The following CELF2 variants were observed in gnomAD, a reference collection of about 807,000 sequenced individuals.
The protein encoded by CELF2 is CUG triplet repeat RNA-binding protein 2.
CELF2 carries 8 observed loss-of-function variants against 62.6 expected under a neutral mutation model. The observed-to-expected ratio is 0.13, with a 90% CI of 0.07 to 0.23. The LOEUF is 0.23. CELF2 is among the 10% of genes least tolerant of loss of function. The pLI, the probability that CELF2 is intolerant of heterozygous loss-of-function variation, is 1.00. For missense variants in CELF2, 333 were observed against 671.0 expected, an observed-to-expected ratio of 0.50 and a Z score of 5.56; for synonymous variants, 258 against 250.0, an observed-to-expected ratio of 1.03 and a Z score of -0.30.
the CELF2 span, among the ~76,000 whole-genome samples, chr10:10,516,030 T>C: frequency 1.3e-5 from 2 of 152,072 alleles, no homozygotes; most frequent in Admixed American, 6.5e-5. Flanking sequence ...ACTACAACCA[T>C]GGAAAGCAGA....
chr10:10,715,029 A>G, the CELF2 span, among the ~76,000 whole-genome samples: 1 of 152,186 alleles, frequency 6.6e-6, no homozygotes, highest in African/African-American at 2.4e-5. Context: ...GACCTAGGTG[A>G]CAGAAAGAAG....
chr10:11,263,821 T>TA (rs2081407238), intron 5 of CELF2, among the ~76,000 whole-genome samples: 1 of 152,246 alleles, frequency 6.6e-6, no homozygotes, highest in African/African-American at 2.4e-5. Flanking sequence ...CCATAGGACT[T>TA]ACCGTGACCT....
chr10:11,197,028 A>AGGAAGGAAGGAAGGAAGGAAGGAAGGAAG (rs2057913830), intron 2 of CELF2, among the ~76,000 whole-genome samples: 2 of 20,980 alleles, frequency 9.5e-5, no homozygotes, highest in African/African-American at 3.8e-4. Context: ...AAGAAAGAAA[A>AGGAAGGAAGGAAGGAAGGAAGGAAGGAAG]GAAAGAAAGA....
At chr10:10,605,792 A>G in the CELF2 span, among the ~76,000 whole-genome samples, 1 of 152,252 alleles carries the variant, frequency 6.6e-6, no homozygotes, top group African/African-American at 2.4e-5. Flanking sequence ...ATATATGCCC[A>G]GTGCCAGGCA....
At chr10:10,704,952 G>C in the CELF2 span, among the ~76,000 whole-genome samples, 1 of 150,542 alleles carries the variant, frequency 6.6e-6, no homozygotes, top group East Asian at 2.0e-4. Flanking sequence ...AAGTTGAAAA[G>C]CCAAGGTGGA....
the CELF2 span, among the ~76,000 whole-genome samples, chr10:10,477,557 C>T: frequency 3.9e-5 from 6 of 152,154 alleles, no homozygotes; most frequent in East Asian, 1.2e-3. Context: ...TTTGCATCCT[C>T]ACCCTGTCTT....
chr10:10,529,852 T>C, the CELF2 span, among the ~76,000 whole-genome samples: 146,541 of 152,278 alleles, frequency 0.96, 70,546 homozygotes, highest in Middle Eastern at 0.98. Flanking sequence ...TCCACATCAG[T>C]GGCTATGAAC....
At chr10:10,963,740 TG>T (rs2049812905) in intron 2 of CELF2, among the ~76,000 whole-genome samples, 1 of 152,222 alleles carries the variant, frequency 6.6e-6, no homozygotes, top group Non-Finnish European at 1.5e-5. Flanking sequence ...AAGTCAGAGT[TG>T]GGTCCTTCAT....
chr10:10,492,005 G>C, the CELF2 span, among the ~76,000 whole-genome samples: 1 of 151,082 alleles, frequency 6.6e-6, no homozygotes, highest in South Asian at 2.1e-4. Context: ...TCTTCCTCCC[G>C]TCCTCTCACT....
intron 2 of CELF2, among the ~76,000 whole-genome samples, chr10:10,959,208 G>A (rs919280691): frequency 2.6e-5 from 4 of 152,206 alleles, no homozygotes; most frequent in African/African-American, 9.6e-5. Flanking sequence ...TTGAACCTGG[G>A]AGGCAGAGGT....
chr10:11,303,581 G>A (rs548119806), intron 9 of CELF2, among the ~76,000 whole-genome samples: 1 of 152,208 alleles, frequency 6.6e-6, no homozygotes, highest in South Asian at 2.1e-4. Flanking sequence ...GGATTGCCAC[G>A]CCCATCCGCA....
chr10:10,730,892 T>A, the CELF2 span, among the ~76,000 whole-genome samples: 44 of 152,306 alleles, frequency 2.9e-4, no homozygotes, highest in African/African-American at 9.9e-4. Flanking sequence ...AGGCTGATCA[T>A]AATGAGCAGA....
chr10:10,569,700 T>C, the CELF2 span, among the ~76,000 whole-genome samples: 1 of 152,232 alleles, frequency 6.6e-6, no homozygotes, highest in South Asian at 2.1e-4. Flanking sequence ...ATTGGGAGGA[T>C]TGAAGAAGCA....
At chr10:10,775,626 ATAT>A in the CELF2 span, among the ~76,000 whole-genome samples, 51 of 135,578 alleles carry the variant, frequency 3.8e-4, no homozygotes, top group Middle Eastern at 3.6e-3. Context: ...AAAAAAAAAA[ATAT>A]ATATATAGGG....
the CELF2 span, among the ~76,000 whole-genome samples, chr10:10,592,267 T>G: frequency 6.6e-6 from 1 of 152,194 alleles, no homozygotes; most frequent in Non-Finnish European, 1.5e-5. Context: ...TGTCAGTTTA[T>G]CAACTCTGTC....
At chr10:10,703,061 T>G in the CELF2 span, among the ~76,000 whole-genome samples, 1 of 152,224 alleles carries the variant, frequency 6.6e-6, no homozygotes, top group East Asian at 1.9e-4. Context: ...CGCTACCTCC[T>G]CCAGAACCAA....
At chr10:10,628,380 G>A in the CELF2 span, among the ~76,000 whole-genome samples, 2 of 152,046 alleles carry the variant, frequency 1.3e-5, no homozygotes, top group Non-Finnish European at 2.9e-5. Flanking sequence ...CTCATTTATG[G>A]AACACCTACC....
Position 11,190,775 on chromosome 10 carries a change from TAAAAAAAAAAA to T in CELF2, c.271+25111_271+25121del, listed in dbSNP as rs11301213. Among the ~76,000 whole-genome samples the T allele has an allele frequency of 7.5e-3, 404 of 54,018 alleles. 13 individuals are homozygous for T. Among genetic ancestry groups the T allele is most frequent in the Middle Eastern group, 0.032 (2 of 62 alleles). 35.4% of individuals were successfully genotyped at this position (54,018 alleles called of 152,430 possible). A position where few individuals can be genotyped will look rare whatever the true frequency, so the allele number is the denominator to read the frequency against. Reference sequence around the variant, plus strand: ...GGCTGGGTTTTGTATCTCTTTTCTTTAAAAAAAAAAAAAAAAAAAAAAAAAAAAGCCATTGA... The same window carrying T: ...GGCTGGGTTTTGTATCTCTTTTCTTTAAAAAAAAAAAAAAAAAGCCATTGA... On this transcript the variant is annotated intron_variant, in intron 2 of 12. Coordinates refer to ENST00000633077, the MANE Select transcript of CELF2 (RefSeq NM_001326342.2).
At chr10:10,651,419 G>A in the CELF2 span, among the ~76,000 whole-genome samples, 3 of 142,960 alleles carry the variant, frequency 2.1e-5, no homozygotes, top group Non-Finnish European at 1.6e-5. Flanking sequence ...CTGGGGGCAG[G>A]GCACAGACAA....
Sources: allele counts gnomAD v4.1 joint callset (sites outside exome capture counted in the v4.1 genomes callset), GRCh38; gene constraint gnomAD v4.1.1; transcripts MANE v1.5; gene names NCBI Gene and HGNC (gene_info 2026-07-23, HGNC 2026-07-21).